The following ATP6V1H variants were observed in gnomAD, a reference collection of about 807,000 sequenced individuals.
The protein encoded by ATP6V1H is ATPase H+ transporting V1 subunit H, also known as V-type proton ATPase subunit H.
In ATP6V1H, 39 loss-of-function variants were observed where a neutral mutation model predicts 71.7. The observed-to-expected ratio is 0.54, with a 90% CI of 0.42 to 0.71. ATP6V1H has a LOEUF of 0.71. Ranked by LOEUF, ATP6V1H falls within the 30% of genes least tolerant of loss-of-function variation. The pLI, the probability that ATP6V1H is intolerant of heterozygous loss-of-function variation, is 0.00. For synonymous variants in ATP6V1H, 192 were observed against 199.3 expected (o/e 0.96, Z 0.31); for missense variants, 509 against 594.9 (o/e 0.86, Z 1.50).
At chr8:53,789,136 G>T (rs1423900536) in intron 9 of ATP6V1H, among the ~76,000 whole-genome samples, 1 of 152,150 alleles carries the variant, frequency 6.6e-6, no homozygotes, top group Non-Finnish European at 1.5e-5. Flanking sequence ...GGAGAAGGAA[G>T]AACTTAAAGG....
chr8:53,830,232 A>G (rs539155476), intron 3 of ATP6V1H, among the ~76,000 whole-genome samples: 1 of 152,362 alleles, frequency 6.6e-6, no homozygotes, highest in Admixed American at 6.5e-5. Context: ...ATGCAACAGC[A>G]TTCAGTAATA....
At chr8:53,788,667 T>C (rs1395193218) in intron 9 of ATP6V1H, among the ~76,000 whole-genome samples, 2 of 152,172 alleles carry the variant, frequency 1.3e-5, no homozygotes, top group African/African-American at 2.4e-5. Context: ...ATAAAGAAAC[T>C]AGCTCTGGGA....
intron 8 of ATP6V1H, among the ~76,000 whole-genome samples, chr8:53,798,314 A>G (rs1809807618): frequency 6.6e-6 from 1 of 152,240 alleles, no homozygotes; most frequent in East Asian, 1.9e-4. Flanking sequence ...TTACGAGGTC[A>G]GGAGTTCAAG....
At chr8:53,752,289 A>G (rs1807823686) in intron 12 of ATP6V1H, among the ~76,000 whole-genome samples, 1 of 152,236 alleles carries the variant, frequency 6.6e-6, no homozygotes, top group Non-Finnish European at 1.5e-5. Context: ...ACCAACAAGT[A>G]GGCTGGGAAT....
At chr8:53,805,948 T>C (rs956078752) in intron 7 of ATP6V1H, among the ~76,000 whole-genome samples, 4 of 152,176 alleles carry the variant, frequency 2.6e-5, no homozygotes, top group African/African-American at 9.6e-5. Context: ...TCTATGGTAA[T>C]AGATGTCATA....
At chr8:53,737,221 C>G (rs1205677249) in intron 13 of ATP6V1H, among the ~76,000 whole-genome samples, 1 of 152,226 alleles carries the variant, frequency 6.6e-6, no homozygotes, top group South Asian at 2.1e-4. Context: ...GCGGCTCGTC[C>G]TGCTATGACA....
chr8:53,772,366 T>G (rs1214289083), intron 9 of ATP6V1H, among the ~76,000 whole-genome samples, 199 bp from the exon 10 acceptor site: 1 of 152,180 alleles, frequency 6.6e-6, no homozygotes, highest in Non-Finnish European at 1.5e-5. Flanking sequence ...TTCTGATCAT[T>G]TTTGTATTTC....
intron 4 of ATP6V1H, among the ~76,000 whole-genome samples, chr8:53,818,649 C>G (rs758551504): frequency 2.6e-5 from 4 of 152,152 alleles, no homozygotes; most frequent in Non-Finnish European, 5.9e-5. Context: ...ATAAAGAAAT[C>G]TTTCCGGTCA....
chr8:53,802,048 T>A, intron 7 of ATP6V1H, 152 bp from the exon 8 acceptor site: 1 of 642,032 alleles, frequency 1.6e-6, no homozygotes, highest in Non-Finnish European at 2.6e-6. Flanking sequence ...TTAATCCTCA[T>A]GTTTGCTTTA....
intron 2 of ATP6V1H, chr8:53,839,984 A>T (rs941406634): frequency 7.8e-6 from 7 of 902,592 alleles, no homozygotes; most frequent in Non-Finnish European, 9.3e-6. Flanking sequence ...AACATGTATG[A>T]CTCCCACCCA....
chr8:53,799,829 G>C (rs1301782628), intron 8 of ATP6V1H, among the ~76,000 whole-genome samples: 1 of 152,154 alleles, frequency 6.6e-6, no homozygotes, highest in Non-Finnish European at 1.5e-5. Context: ...TGAGTTTACA[G>C]TGAAAAGATG....
intron 2 of ATP6V1H, among the ~76,000 whole-genome samples, chr8:53,840,150 C>A (rs1293199198): frequency 6.6e-6 from 1 of 152,136 alleles, no homozygotes; most frequent in African/African-American, 2.4e-5. Flanking sequence ...AATTACTTGT[C>A]TTTTTTATGT....
At chr8:53,764,909 T>G (rs1313038978) in intron 11 of ATP6V1H, among the ~76,000 whole-genome samples, 5 of 152,024 alleles carry the variant, frequency 3.3e-5, no homozygotes, top group Middle Eastern at 3.4e-3. Context: ...GACCAACCTG[T>G]GCAACAGAGT....
chr8:53,799,693 C>A (rs1809848236), intron 8 of ATP6V1H, among the ~76,000 whole-genome samples: 1 of 152,056 alleles, frequency 6.6e-6, no homozygotes, highest in South Asian at 2.1e-4. Flanking sequence ...GACTAACACC[C>A]AAGGTGATGG....
intron 11 of ATP6V1H, among the ~76,000 whole-genome samples, chr8:53,763,029 T>A (rs888575413): frequency 4.6e-5 from 7 of 152,252 alleles, no homozygotes; most frequent in African/African-American, 1.7e-4. Flanking sequence ...ATTGTAAGAA[T>A]ACAGTATATA....
At chr8:53,772,903 C>CA (rs201949406) in intron 9 of ATP6V1H, among the ~76,000 whole-genome samples, 6,048 of 58,852 alleles carry the variant, frequency 0.1, 415 homozygotes, top group African/African-American at 0.22. Flanking sequence ...CTATCAAATG[C>CA]AAAAAAAAAA....
chr8:53,813,737 A>G (rs543201510), intron 6 of ATP6V1H, among the ~76,000 whole-genome samples: 47 of 152,266 alleles, frequency 3.1e-4, no homozygotes, highest in African/African-American at 1.1e-3. Flanking sequence ...CAAAACAGAA[A>G]ACTTGTCATT....
intron 4 of ATP6V1H, among the ~76,000 whole-genome samples, chr8:53,825,275 G>A (rs753914522): frequency 2.6e-5 from 4 of 151,922 alleles, no homozygotes; most frequent in East Asian, 3.9e-4. Flanking sequence ...GGCTTCAAGC[G>A]ATCCTCCCAC....
At chr8:53,732,190 G>C (rs1467380030) in intron 13 of ATP6V1H, among the ~76,000 whole-genome samples, 4 of 152,118 alleles carry the variant, frequency 2.6e-5, no homozygotes. Flanking sequence ...GTGTGAATTA[G>C]ACAAGTGAGT....
Sources: allele counts gnomAD v4.1 joint callset (sites outside exome capture counted in the v4.1 genomes callset), GRCh38; gene constraint gnomAD v4.1.1; transcripts MANE v1.5; gene names NCBI Gene and HGNC (gene_info 2026-07-23, HGNC 2026-07-21).